GPRC6A: variants seen among roughly 807,000 people sequenced by gnomAD.
The protein encoded by GPRC6A is G protein-coupled receptor family C group 6 member A.
Under a neutral mutation model 47.0 loss-of-function variants are expected in GPRC6A, and 54 were observed. That is an observed-to-expected ratio of 1.15 (90% CI 0.92 to 1.44). The LOEUF is 1.44. Ranked by LOEUF, GPRC6A falls within the 40% of genes most tolerant of loss-of-function variation. The probability of loss-of-function intolerance (pLI) is 0.00; values close to 1 mark genes in which losing one functional copy is unlikely to be tolerated. For synonymous variants in GPRC6A, 347 were observed against 377.1 expected (o/e 0.92, Z 0.93); for missense variants, 1,112 against 1,105.5 (o/e 1.01, Z -0.08).
At chr6:116,795,164 A>ATTT (rs1376149576) in intron 5 of GPRC6A, among the ~76,000 whole-genome samples, 2 of 152,128 alleles carry the variant, frequency 1.3e-5, no homozygotes, top group Non-Finnish European at 2.9e-5. Flanking sequence ...AGGGTTGGCA[A>ATTT]ACAGTCATTT....
At chr6:116,821,928 A>G (rs1466344309) in intron 1 of GPRC6A, among the ~76,000 whole-genome samples, 1 of 149,758 alleles carries the variant, frequency 6.7e-6, no homozygotes, top group Non-Finnish European at 1.5e-5. Context: ...CAGGCAACCT[A>G]CAAAATGGGA....
At position 116,793,248 on chromosome 6, in the gene GPRC6A, T is replaced by C. The variant is rs891053393; in HGVS notation, c.1675A>G (p.Met559Val). Residue 559 changes from methionine to valine, a missense_variant and splice_region_variant, in exon 6 of 6, where the codon ATG (methionine) becomes GTG (valine). Met to Val is a conservative substitution (Grantham distance 21). Transcript: ENST00000310357. Reference sequence around the variant, plus strand: ...TTGTTGCATAAAAGGCAGTGAGGCATATCTAAAAGACAGAGGAGACGCAGT... The same window carrying C: ...TTGTTGCATAAAAGGCAGTGAGGCACATCTAAAAGACAGAGGAGACGCAGT... ...PENHYTNQTD[M>V]PHCLLCNNKT... 7 of 1,582,434 alleles carry C rather than the reference T, an allele frequency of 4.4e-6. No individual in the cohort carries two copies. The highest frequency in any genetic ancestry group is 2.3e-5 in the South Asian group (2 of 85,312).
chr6:116,812,947 A>T (rs1175561824), intron 1 of GPRC6A, among the ~76,000 whole-genome samples: 1 of 152,220 alleles, frequency 6.6e-6, no homozygotes, highest in Non-Finnish European at 1.5e-5. Flanking sequence ...AATCACAAGC[A>T]TTCCTATACA....
intron 1 of GPRC6A, among the ~76,000 whole-genome samples, chr6:116,819,451 C>G (rs1286547334): frequency 3.3e-5 from 5 of 151,836 alleles, no homozygotes; most frequent in East Asian, 3.9e-4. Context: ...TGACCACATA[C>G]TTGGAAGTAA....
chr6:116,821,816 TA>T (rs1773493020), intron 1 of GPRC6A, among the ~76,000 whole-genome samples: 1 of 151,238 alleles, frequency 6.6e-6, no homozygotes, highest in Admixed American at 6.6e-5. Flanking sequence ...ACTTCATGTC[TA>T]AAACACCAAA....
chr6:116,795,684 C>G, intron 5 of GPRC6A, 28 bp downstream of exon 5: 1 of 1,525,528 alleles, frequency 6.6e-7, no homozygotes, highest in South Asian at 1.3e-5. Context: ...AGGAATGATT[C>G]AGGTGTATGT....
At chr6:116,814,350 A>T (rs552757441) in intron 1 of GPRC6A, among the ~76,000 whole-genome samples, 1 of 152,322 alleles carries the variant, frequency 6.6e-6, no homozygotes, top group South Asian at 2.1e-4. Flanking sequence ...ACTTGCAACC[A>T]ACCCAAATGT....
intron 1 of GPRC6A, among the ~76,000 whole-genome samples, chr6:116,818,983 C>T (rs1773352837): frequency 6.6e-6 from 1 of 152,048 alleles, no homozygotes; most frequent in Admixed American, 6.6e-5. Flanking sequence ...CAGAGACACA[C>T]ATAGGCTCAA....
chr6:116,803,230 A>G (rs533658422), intron 3 of GPRC6A, among the ~76,000 whole-genome samples: 1 of 152,186 alleles, frequency 6.6e-6, no homozygotes, highest in South Asian at 2.1e-4. Context: ...ATATCCATAT[A>G]TACATCTTTT....
At chr6:116,793,351 G>T in intron 5 of GPRC6A, 101 bp from the exon 6 acceptor site, 1 of 757,736 alleles carries the variant, frequency 1.3e-6, no homozygotes. Context: ...GTTCTGACTA[G>T]AGAATAGATA....
intron 1 of GPRC6A, among the ~76,000 whole-genome samples, chr6:116,817,962 A>G (rs1773288270): frequency 6.6e-6 from 1 of 152,034 alleles, no homozygotes; most frequent in Non-Finnish European, 1.5e-5. Context: ...ACTCTGCAGG[A>G]TATTATCCAG....
rs575634251 is a variant in GPRC6A, at chr6:116,792,775, A to G, written c.2148T>C (p.Val716=). The G allele has an allele frequency of 3.7e-6, 6 of 1,614,022 alleles. No individual in the cohort carries two copies. The South Asian group carries it at 6.6e-5, about 18-fold the overall frequency. ...AGATTAGCCAGAGTGTGCAAATGAC[A>G]ACCTGGATGCCCGTGCAAGTGAAGA... is the stretch of plus-strand genomic sequence containing the variant. ...LIIFTCTGIQ[V]VICTLWLIFA... The change falls in exon 6 of 6, where the codon GTT becomes GTC. Residue 716 remains valine, a synonymous_variant. Coordinates refer to ENST00000310357, the MANE Select transcript of GPRC6A (RefSeq NM_148963.4).
intron 1 of GPRC6A, among the ~76,000 whole-genome samples, chr6:116,811,786 G>A (rs761686235): frequency 8.6e-5 from 13 of 151,480 alleles, no homozygotes; most frequent in Non-Finnish European, 1.8e-4. Context: ...CCTGAAGACA[G>A]TTCAGGTTCA....
In GPRC6A at chr6:116,828,963, A is replaced by G. The variant is rs1181420703; in HGVS notation, c.51T>C (p.Thr17=). The G allele has an allele frequency of 6.2e-7, 1 of 1,613,284 alleles. No individual in the cohort carries two copies. Among genetic ancestry groups the G allele is most frequent in the Admixed American group, 1.7e-5 (1 of 59,852 alleles). The change falls in exon 1 of 6, where the codon ACT becomes ACC. Residue 17 remains threonine, a synonymous_variant. Transcript: ENST00000310357. ...CATCAGGGGTCTGGCAAGGCTGTGA[A>G]GTAGCAAGAATAATCACAAAGCAGG... ...LITCFVIILA[T]SQPCQTPDDF... is the part of the protein sequence containing the mutation.
chr6:116,802,686 C>T (rs771378109), intron 3 of GPRC6A, among the ~76,000 whole-genome samples: 1 of 152,106 alleles, frequency 6.6e-6, no homozygotes, highest in Non-Finnish European at 1.5e-5. Context: ...ACACATTGAT[C>T]TAAGGCTGGG....
At chr6:116,811,284 C>T (rs1160443388) in intron 1 of GPRC6A, among the ~76,000 whole-genome samples, 4 of 152,084 alleles carry the variant, frequency 2.6e-5, no homozygotes, top group Non-Finnish European at 1.5e-5. Flanking sequence ...ACTATCTATT[C>T]ATCCTTAGGA....
intron 1 of GPRC6A, among the ~76,000 whole-genome samples, chr6:116,821,001 T>A (rs199880192): frequency 9.3e-5 from 14 of 150,578 alleles, no homozygotes; most frequent in South Asian, 4.2e-4. Context: ...GATAAGCAAC[T>A]TCAGCAAAGT....
chr6:116,825,370 T>C (rs1773648209), intron 1 of GPRC6A, among the ~76,000 whole-genome samples: 1 of 152,054 alleles, frequency 6.6e-6, no homozygotes, highest in African/African-American at 2.4e-5. Context: ...TTAGAGCTTA[T>C]AAACAAATTC....
chr6:116,793,817 A>G (rs1582451209), intron 5 of GPRC6A, among the ~76,000 whole-genome samples: 1 of 152,188 alleles, frequency 6.6e-6, no homozygotes, highest in African/African-American at 2.4e-5. Flanking sequence ...GGGAGTTGCT[A>G]TCGTGAATAA....
Sources: allele counts gnomAD v4.1 joint callset (sites outside exome capture counted in the v4.1 genomes callset), GRCh38; gene constraint gnomAD v4.1.1; transcripts MANE v1.5; gene names NCBI Gene and HGNC (gene_info 2026-07-23, HGNC 2026-07-21).